The following LINGO2 variants were observed in gnomAD, a reference collection of about 807,000 sequenced individuals.
LINGO2 encodes leucine-rich repeat and immunoglobulin-like domain-containing nogo receptor-interacting protein 2.
A neutral mutation model predicts 30.6 loss-of-function variants in LINGO2; 14 were observed. The observed-to-expected ratio is 0.46, with a 90% confidence interval of 0.30 to 0.72. The LOEUF is 0.72. Ranked by LOEUF, LINGO2 falls within the 30% of genes least tolerant of loss-of-function variation. The pLI, the probability that LINGO2 is intolerant of heterozygous loss-of-function variation, is 0.07. For synonymous variants in LINGO2, 317 were observed against 288.5 expected, an observed-to-expected ratio of 1.10 and a Z score of -1.00; for missense variants, 729 against 751.7, an observed-to-expected ratio of 0.97 and a Z score of 0.35.
intron 5 of LINGO2, among the ~76,000 whole-genome samples, chr9:28,003,458 T>G (rs921365435): frequency 2.0e-5 from 3 of 152,060 alleles, no homozygotes; most frequent in African/African-American, 7.2e-5. Context: ...GGTCTTTATT[T>G]AGAAGTTCAA....
intron 2 of LINGO2, among the ~76,000 whole-genome samples, chr9:28,440,864 T>G (rs1240855450): frequency 1.3e-5 from 2 of 152,194 alleles, no homozygotes; most frequent in South Asian, 2.1e-4. Flanking sequence ...TTCACATACT[T>G]ATTCAGAATA....
At chr9:28,042,877 A>C (rs1305804291) in intron 4 of LINGO2, among the ~76,000 whole-genome samples, 1 of 152,226 alleles carries the variant, frequency 6.6e-6, no homozygotes. Flanking sequence ...TTATTAATGA[A>C]ACATTGCCAC....
the LINGO2 span, among the ~76,000 whole-genome samples, chr9:28,680,398 T>C: frequency 1.3e-5 from 2 of 152,110 alleles, no homozygotes; most frequent in Non-Finnish European, 2.9e-5. Context: ...ATCTTGGCCA[T>C]TGTGAATAAT....
chr9:28,720,865 A>T, the LINGO2 span, among the ~76,000 whole-genome samples: 1 of 152,108 alleles, frequency 6.6e-6, no homozygotes, highest in African/African-American at 2.4e-5. Flanking sequence ...TCTTCATTTT[A>T]TGAAGAATGT....
chr9:29,147,342 T>C, the LINGO2 span, among the ~76,000 whole-genome samples: 1 of 152,112 alleles, frequency 6.6e-6, no homozygotes, highest in Non-Finnish European at 1.5e-5. Flanking sequence ...GTAAAAATGT[T>C]AATTCATAAA....
At position 28,051,231 on chromosome 9, in the gene LINGO2, A is replaced by T. The variant is rs531888594; in HGVS notation, c.-86-38826T>A. Among the ~76,000 whole-genome samples the T allele has an allele frequency of 4.0e-4, 56 of 141,070 alleles. No homozygotes were observed. In the East Asian group the frequency reaches 9.0e-3, roughly 23 times the overall value. 92.5% of individuals were successfully genotyped at this position (141,070 alleles called of 152,430 possible). ...CATCAGCTAGTATAGTTTTCTCCAAAGTGAAGACTGAAAACTATCAGAAAG... is the reference window on the plus strand; with the variant it reads ...CATCAGCTAGTATAGTTTTCTCCAATGTGAAGACTGAAAACTATCAGAAAG... On this transcript the variant is annotated intron_variant, in intron 4 of 5. Transcript: ENST00000379992.
chr9:29,080,171 G>T, the LINGO2 span, among the ~76,000 whole-genome samples: 1 of 152,012 alleles, frequency 6.6e-6, no homozygotes, highest in Non-Finnish European at 1.5e-5. Flanking sequence ...GTTTAGTCTT[G>T]GGAGGGGGTA....
At chr9:28,670,725 T>C (rs1280044603), upstream of LINGO2, among the ~76,000 whole-genome samples, 1 of 152,138 alleles carries the variant, frequency 6.6e-6, no homozygotes, top group Non-Finnish European at 1.5e-5. Context: ...TTATATCTCA[T>C]AGATTTCCCA....
intron 2 of LINGO2, among the ~76,000 whole-genome samples, chr9:28,436,168 T>A (rs1410445692): frequency 1.3e-5 from 2 of 152,200 alleles, no homozygotes; most frequent in Non-Finnish European, 2.9e-5. Context: ...GGACTTCAAG[T>A]ATTTGTTATG....
rs565316452 is a variant in LINGO2, at chr9:28,205,980, T to C, written c.-87+89228A>G. 2.6e-5 allele frequency among the ~76,000 whole-genome samples: 4 copies of C among 151,738 alleles called. No individual in the cohort carries two copies. In the East Asian group the frequency reaches 7.8e-4, roughly 30 times the overall value. On this transcript the variant is annotated intron_variant, in intron 4 of 5. Transcript: ENST00000379992. Reference sequence around the variant, plus strand: ...GGCAGTTCAAGACCAGCCTGGCCAATATGGAAAAACCCTGTCTCTACTAAA... The same window carrying C: ...GGCAGTTCAAGACCAGCCTGGCCAACATGGAAAAACCCTGTCTCTACTAAA...
chr9:28,458,161 A>G (rs1291483398), intron 2 of LINGO2, among the ~76,000 whole-genome samples: 1 of 152,228 alleles, frequency 6.6e-6, no homozygotes, highest in Non-Finnish European at 1.5e-5. Context: ...AGATCACAAC[A>G]TGAGCCACAT....
At chr9:28,063,539 T>C (rs886920838) in intron 4 of LINGO2, among the ~76,000 whole-genome samples, 5 of 151,994 alleles carry the variant, frequency 3.3e-5, no homozygotes, top group Non-Finnish European at 7.4e-5. Context: ...GCTAGAACTC[T>C]TATCCCCATT....
the LINGO2 span, among the ~76,000 whole-genome samples, chr9:28,902,361 A>G: frequency 6.6e-6 from 1 of 152,318 alleles, no homozygotes; most frequent in African/African-American, 2.4e-5. Flanking sequence ...TTATAAATTT[A>G]TATTCACTTA....
intron 4 of LINGO2, among the ~76,000 whole-genome samples, chr9:28,180,249 G>C (rs1422473552): frequency 6.6e-6 from 1 of 152,076 alleles, no homozygotes; most frequent in Admixed American, 6.6e-5. Flanking sequence ...TCTTTTCCAT[G>C]GCTATGTGGC....
At chr9:28,892,284 A>G in the LINGO2 span, among the ~76,000 whole-genome samples, 1 of 152,008 alleles carries the variant, frequency 6.6e-6, no homozygotes, top group Non-Finnish European at 1.5e-5. Context: ...TTATTTCTCC[A>G]TAGTGATTGC....
At chr9:28,246,714 C>T (rs1193137191) in intron 4 of LINGO2, among the ~76,000 whole-genome samples, 1 of 152,124 alleles carries the variant, frequency 6.6e-6, no homozygotes, top group South Asian at 2.1e-4. Flanking sequence ...ATGATGACAT[C>T]TCCAGAAGCA....
chr9:28,996,479 C>G, the LINGO2 span, among the ~76,000 whole-genome samples: 3 of 152,086 alleles, frequency 2.0e-5, no homozygotes, highest in South Asian at 6.2e-4. Context: ...CTAGGTAAAC[C>G]ATCTATGACA....
the LINGO2 span, among the ~76,000 whole-genome samples, chr9:28,980,901 G>A: frequency 6.6e-6 from 1 of 152,002 alleles, no homozygotes; most frequent in East Asian, 1.9e-4. Flanking sequence ...TCTGATAACT[G>A]TTGTACCATA....
chr9:28,161,559 A>G (rs1828287479), intron 4 of LINGO2, among the ~76,000 whole-genome samples: 1 of 152,186 alleles, frequency 6.6e-6, no homozygotes, highest in Non-Finnish European at 1.5e-5. Flanking sequence ...AAAATAAGAA[A>G]GAGAAACTGA....
Sources: gnomAD v4.1 joint callset for allele counts (sites outside exome capture counted in the v4.1 genomes callset) on GRCh38, gnomAD v4.1.1 for gene constraint, MANE v1.5 for transcripts, NCBI Gene and HGNC (gene_info 2026-07-23, HGNC 2026-07-21) for gene names.